CACNA2D3: variants seen among roughly 807,000 people sequenced by gnomAD.
CACNA2D3 encodes calcium voltage-gated channel auxiliary subunit alpha2delta 3.
A neutral mutation model predicts 160.6 loss-of-function variants in CACNA2D3; 60 were observed. The observed-to-expected ratio is 0.37, with a 90% confidence interval of 0.30 to 0.46. The LOEUF (loss-of-function observed/expected upper bound fraction) is 0.46, where lower values mean the gene tolerates loss of function less well. CACNA2D3 is among the 20% of genes least tolerant of loss of function. The pLI, the probability that CACNA2D3 is intolerant of heterozygous loss-of-function variation, is 1.00. For missense variants in CACNA2D3, 1,205 were observed against 1,365.0 expected (o/e 0.88, Z 1.85); for synonymous variants, 558 against 492.9 (o/e 1.13, Z -1.75).
intron 2 of CACNA2D3, among the ~76,000 whole-genome samples, chr3:54,193,506 T>C (rs1470618940): frequency 6.6e-6 from 1 of 152,216 alleles, no homozygotes; most frequent in African/African-American, 2.4e-5. Flanking sequence ...GCTAAAATAT[T>C]TTCAAACATT....
At chr3:54,969,994 G>T (rs1702234818) in intron 29 of CACNA2D3, 150 bp downstream of exon 29, 7 of 592,312 alleles carry the variant, frequency 1.2e-5, no homozygotes, top group Admixed American at 3.7e-5. Flanking sequence ...TGCTTTATTT[G>T]CTTTGTTTCT....
At chr3:54,593,476 AG>A (rs1702898992) in intron 9 of CACNA2D3, among the ~76,000 whole-genome samples, 2 of 151,980 alleles carry the variant, frequency 1.3e-5, no homozygotes, top group African/African-American at 4.8e-5. Flanking sequence ...GAGGGAAGGA[AG>A]GTGAAGGATT....
At chr3:54,898,121 CT>C (rs1463266488) in intron 26 of CACNA2D3, among the ~76,000 whole-genome samples, 1 of 145,920 alleles carries the variant, frequency 6.9e-6, no homozygotes, top group Non-Finnish European at 1.5e-5. Context: ...TTTTTTCTTT[CT>C]TTCTTTTTCT....
At chr3:55,001,513 T>A (rs947443500) in intron 31 of CACNA2D3, among the ~76,000 whole-genome samples, 1 of 152,194 alleles carries the variant, frequency 6.6e-6, no homozygotes, top group African/African-American at 2.4e-5. Flanking sequence ...TAGTCATTAT[T>A]CTCACCATTT....
At chr3:54,618,829 C>T (rs1363564771) in intron 9 of CACNA2D3, among the ~76,000 whole-genome samples, 1 of 152,152 alleles carries the variant, frequency 6.6e-6, no homozygotes, top group Non-Finnish European at 1.5e-5. Flanking sequence ...GCATCACATT[C>T]CCCCTGGGTG....
In CACNA2D3 at chr3:54,924,914, T is replaced by G. The variant is rs771429040; in HGVS notation, c.2449+25046T>G. The stretch of plus-strand genomic sequence containing the variant: ...AAAGGAGTGAATTCTGGGTTAGATT[T>G]AAAACCTGCAAGTGCTGAAGCCCAT... On this transcript the variant is annotated intron_variant, in intron 27 of 37. Coordinates refer to ENST00000474759, the MANE Select transcript of CACNA2D3 (RefSeq NM_018398.3). 1.2e-6 allele frequency: 2 copies of G among 1,613,378 alleles called. No homozygotes were observed. Among genetic ancestry groups the G allele is most frequent in the African/African-American group, 2.7e-5 (2 of 74,998 alleles).
intron 35 of CACNA2D3, among the ~76,000 whole-genome samples, chr3:55,037,486 C>T (rs1262852702): frequency 6.6e-6 from 1 of 152,178 alleles, no homozygotes; most frequent in African/African-American, 2.4e-5. Context: ...GAACTTGTGT[C>T]CTAGGGTCTT....
At chr3:54,819,784 G>T (rs1296918849) in intron 14 of CACNA2D3, among the ~76,000 whole-genome samples, 11 of 152,048 alleles carry the variant, frequency 7.2e-5, no homozygotes, top group Admixed American at 5.2e-4. Flanking sequence ...GGTGGAGGTT[G>T]CAGTGAGCCG....
At chr3:54,551,158 C>T (rs1204399903) in intron 5 of CACNA2D3, among the ~76,000 whole-genome samples, 1 of 152,198 alleles carries the variant, frequency 6.6e-6, no homozygotes. Context: ...TTATTTCCTG[C>T]ATTCCAGGCA....
chr3:54,199,009 ATTTC>A (rs1009677651), intron 2 of CACNA2D3, among the ~76,000 whole-genome samples: 2 of 151,694 alleles, frequency 1.3e-5, no homozygotes, highest in African/African-American at 4.8e-5. Flanking sequence ...TTTTCTCATC[ATTTC>A]TTTCTTATAA....
chr3:54,229,477 G>A (rs1445998307), intron 2 of CACNA2D3, among the ~76,000 whole-genome samples: 1 of 152,150 alleles, frequency 6.6e-6, no homozygotes, highest in African/African-American at 2.4e-5. Flanking sequence ...ACAGGCGTGA[G>A]CCACCGTGCC....
At chr3:54,390,766 T>C (rs1699265540) in intron 4 of CACNA2D3, among the ~76,000 whole-genome samples, 1 of 152,198 alleles carries the variant, frequency 6.6e-6, no homozygotes, top group African/African-American at 2.4e-5. Flanking sequence ...TCAGCCCCAT[T>C]GCTATTACTG....
rs150664726 is a variant in CACNA2D3, at chr3:54,328,254, C to A, written c.321+7696C>A. ...TTAGTCTTTTGGCCAAGTTTAGTATCTCATGGTTTTTTGTTTTGTTTCGTT... is the reference window on the plus strand; with the variant it reads ...TTAGTCTTTTGGCCAAGTTTAGTATATCATGGTTTTTTGTTTTGTTTCGTT... On this transcript the variant is annotated intron_variant, in intron 3 of 37. Transcript: ENST00000474759. 2.5e-3 allele frequency among the ~76,000 whole-genome samples: 376 copies of A among 152,132 alleles called. 2 individuals carry two copies. The highest frequency in any genetic ancestry group is 2.9e-3 in the Non-Finnish European group (198 of 67,980).
intron 2 of CACNA2D3, among the ~76,000 whole-genome samples, chr3:54,217,231 G>T (rs1701479333): frequency 6.6e-6 from 1 of 152,242 alleles, no homozygotes; most frequent in South Asian, 2.1e-4. Flanking sequence ...ACCTTATGGG[G>T]ACAGGCATGG....
intron 10 of CACNA2D3, among the ~76,000 whole-genome samples, chr3:54,630,423 A>G (rs1272576273): frequency 1.3e-5 from 2 of 152,126 alleles, no homozygotes; most frequent in Non-Finnish European, 2.9e-5. Flanking sequence ...TAGCATGCGC[A>G]GTTTAATGCC....
chr3:54,428,257 G>A (rs571280451), intron 4 of CACNA2D3, among the ~76,000 whole-genome samples: 4 of 152,196 alleles, frequency 2.6e-5, no homozygotes, highest in African/African-American at 9.7e-5. Context: ...CTTCGTAAGC[G>A]TGAAACTTGC....
At chr3:54,452,237 C>G (rs979513145) in intron 4 of CACNA2D3, among the ~76,000 whole-genome samples, 12 of 152,308 alleles carry the variant, frequency 7.9e-5, no homozygotes, top group Non-Finnish European at 1.8e-4. Context: ...GAACATCTTA[C>G]ATGGTGGCAG....
At position 54,626,714 on chromosome 3, in the gene CACNA2D3, GAAAA is replaced by G. The variant is rs1185838947; in HGVS notation, c.964-1071_964-1068del. 4 of 695,984 alleles carry G rather than the reference GAAAA, an allele frequency of 5.7e-6. No individual in the cohort carries two copies. The African/African-American group carries it at 7.0e-5, about 12-fold the overall frequency. The allele number at this position is 695,984 out of a possible 1,614,324, so 43.1% of individuals were successfully genotyped here. On this transcript the variant is annotated intron_variant, in intron 9 of 37. Coordinates refer to ENST00000474759, the MANE Select transcript of CACNA2D3 (RefSeq NM_018398.3). ...AAAAAAAAAAAAAAAAAAAAAGAAA[GAAAA>G]AGAAAGGGGTTCGGAATGCAGTGAC...
chr3:54,737,276 G>A (rs1326936895), intron 11 of CACNA2D3, among the ~76,000 whole-genome samples: 1 of 151,548 alleles, frequency 6.6e-6, no homozygotes, highest in Non-Finnish European at 1.5e-5. Context: ...TACACCATGT[G>A]CTATGCAGAA....
Sources: allele counts gnomAD v4.1 joint callset (sites outside exome capture counted in the v4.1 genomes callset), GRCh38; gene constraint gnomAD v4.1.1; transcripts MANE v1.5; gene names NCBI Gene and HGNC (gene_info 2026-07-23, HGNC 2026-07-21).